MIA: variants seen among roughly 807,000 people sequenced by gnomAD.
MIA encodes melanoma-derived growth regulatory protein.
In MIA, 18 loss-of-function variants were observed where a neutral mutation model predicts 18.5. That is an observed-to-expected ratio of 0.97 (90% confidence interval 0.67 to 1.44). The LOEUF (loss-of-function observed/expected upper bound fraction) is 1.44. Among genes scored for constraint, MIA ranks in the 40% most tolerant of loss-of-function variants. The probability of loss-of-function intolerance (pLI) is 0.00; values close to 1 mark genes in which losing one functional copy is unlikely to be tolerated. For synonymous variants in MIA, 55 were observed against 64.9 expected (o/e 0.85, Z 0.74); for missense variants, 158 against 172.4 (o/e 0.92, Z 0.47).
rs371955085 is a variant in MIA, at chr19:40,775,748, C to T, written c.128-4C>T. On this transcript the variant is annotated splice_region_variant and splice_polypyrimidine_tract_variant and intron_variant, in intron 1 of 3. Coordinates refer to ENST00000263369, the MANE Select transcript of MIA (RefSeq NM_006533.4). ...TGCTGCATTCCCTTCTATTCCTTCC[C>T]TAGACCCTATCTCCATGGCTGTGGC... 1 of 1,614,102 alleles carries T rather than the reference C, an allele frequency of 6.2e-7. No individual in the cohort carries two copies. The highest frequency in any genetic ancestry group is 1.7e-5 in the Admixed American group (1 of 59,996).
intron 2 of MIA, among the ~76,000 whole-genome samples, chr19:40,776,273 C>G (rs2082995777): frequency 6.6e-6 from 1 of 152,122 alleles, no homozygotes; most frequent in African/African-American, 2.4e-5. Context: ...GATCTGCCCG[C>G]CTTGGCCTCC....
Position 40,775,568 on chromosome 19 carries a change from G to A in MIA, c.26G>A (p.Gly9Asp). MARSLVCL[G>D]VIILLSAFSG... Reference sequence around the variant, plus strand: ...ATGGCCCGGTCCCTGGTGTGCCTTGGTGTCATCATCTTGCTGTCTGCCTTC... The same window carrying A: ...ATGGCCCGGTCCCTGGTGTGCCTTGATGTCATCATCTTGCTGTCTGCCTTC... Residue 9 changes from glycine to aspartate, a missense_variant, in exon 1 of 4, where the codon GGT becomes GAT. Coordinates refer to ENST00000263369, the MANE Select transcript of MIA (RefSeq NM_006533.4). 2.5e-6 allele frequency: 4 copies of A among 1,614,160 alleles called. No homozygotes were observed. The highest frequency in any genetic ancestry group is 3.4e-6 in the Non-Finnish European group (4 of 1,180,036).
At chr19:40,776,933 C>G in intron 2 of MIA, 36 bp from the exon 3 acceptor site, 3 of 1,509,076 alleles carry the variant, frequency 2.0e-6, no homozygotes, top group Non-Finnish European at 2.7e-6. Context: ...AGCTTGCCAT[C>G]TTCCCAGACC....
At position 40,775,592 on chromosome 19, in the gene MIA, T is replaced by A; in HGVS notation, c.50T>A (p.Phe17Tyr). The stretch of plus-strand genomic sequence containing the variant: ...GGTGTCATCATCTTGCTGTCTGCCT[T>A]CTCCGGACCTGGTGTCAGGGGTGGT... The part of the protein sequence containing the change: ...CLGVIILLSA[F>Y]SGPGVRGGPM... The change falls in exon 1 of 4, where the codon TTC becomes TAC. Residue 17 changes from phenylalanine (F) to tyrosine (Y), a missense_variant. Coordinates refer to ENST00000263369, the MANE Select transcript of MIA (RefSeq NM_006533.4). The A allele has an allele frequency of 6.2e-7, 1 of 1,614,118 alleles. No individual in the cohort carries two copies. The highest frequency in any genetic ancestry group is 8.5e-7 in the Non-Finnish European group (1 of 1,180,010).
chr19:40,777,227 A>T (rs544505939), intron 3 of MIA, 148 bp downstream of exon 3: 1 of 1,097,986 alleles, frequency 9.1e-7, no homozygotes, highest in East Asian at 2.4e-5. Context: ...TCTCACCAGT[A>T]AAATGGGTCC....
At chr19:40,775,360 A>T, upstream of MIA, 1 of 942,980 alleles carries the variant, frequency 1.1e-6, no homozygotes, top group Non-Finnish European at 1.6e-6. Context: ...TACAGCCTTT[A>T]CCCTATCCTT....
chr19:40,775,438 G>A, upstream of MIA: 1 of 1,563,112 alleles, frequency 6.4e-7, no homozygotes, highest in Non-Finnish European at 8.7e-7. Context: ...TTTAGGGCGG[G>A]GACAAGACCA....
intron 3 of MIA, 73 bp downstream of exon 3, chr19:40,777,152 C>A: frequency 7.5e-7 from 1 of 1,328,516 alleles, no homozygotes; most frequent in African/African-American, 1.4e-5. Context: ...AAAAATGCTC[C>A]CACACTTGGC....
rs201859358 is a variant in MIA at position 40,776,949 on chromosome 19, T to A, written c.262-20T>A. On this transcript the variant is annotated intron_variant, in intron 2 of 3. Coordinates refer to ENST00000263369, the MANE Select transcript of MIA (RefSeq NM_006533.4). ...GCTTGCCATCTTCCCAGACCCTAGC[T>A]TTTAACTCCTCTTCCCCAGGTTCAG... is the stretch of plus-strand genomic sequence containing the variant. 250 of 1,589,782 alleles carry A rather than the reference T, an allele frequency of 1.6e-4. No homozygotes were observed. In the African/African-American group the frequency reaches 3.0e-3, roughly 19 times the overall value.
chr19:40,775,749 T>C lies in MIA; in HGVS notation c.128-3T>C. ...GCTGCATTCCCTTCTATTCCTTCCC[T>C]AGACCCTATCTCCATGGCTGTGGCC... On this transcript the variant is annotated splice_region_variant and splice_polypyrimidine_tract_variant and intron_variant, in intron 1 of 3. Transcript: ENST00000263369. 6.2e-7 allele frequency: 1 copy of C among 1,614,152 alleles called. No individual in the cohort carries two copies. Among genetic ancestry groups the C allele is most frequent in the Non-Finnish European group, 8.5e-7 (1 of 1,180,034 alleles).
At chr19:40,777,145 A>G in intron 3 of MIA, 66 bp downstream of exon 3, 2 of 1,405,568 alleles carry the variant, frequency 1.4e-6, no homozygotes, top group Non-Finnish European at 2.0e-6. Flanking sequence ...GATGGGCAAA[A>G]ATGCTCCCAC....
chr19:40,776,752 A>G (rs2083000003), intron 2 of MIA: 2 of 433,350 alleles, frequency 4.6e-6, no homozygotes, highest in Non-Finnish European at 4.2e-6. Flanking sequence ...CAAAATAATA[A>G]TAATAATAAA....
rs749395452 is a variant in MIA, at chr19:40,775,541, C to T, written c.-2C>T. ...TGCTCACTCTCTTGCTCACAGTCCA[C>T]GATGGCCCGGTCCCTGGTGTGCCTT... On this transcript the variant is annotated 5_prime_UTR_variant, in exon 1 of 4. It adds an upstream start codon to the 5' untranslated region. Transcript: ENST00000263369. 2.4e-5 allele frequency: 39 copies of T among 1,613,936 alleles called. No homozygotes were observed. Among genetic ancestry groups the T allele is most frequent in the African/African-American group, 8.0e-5 (6 of 74,894 alleles).
chr19:40,775,986 T>G, intron 2 of MIA, 101 bp downstream of exon 2: 1 of 1,331,016 alleles, frequency 7.5e-7, no homozygotes, highest in Non-Finnish European at 1.0e-6. Flanking sequence ...AAATAGACAT[T>G]GTGGGGGGAT....
At chr19:40,777,133 G>C in intron 3 of MIA, 54 bp downstream of exon 3, 1 of 1,497,120 alleles carries the variant, frequency 6.7e-7, no homozygotes, top group Non-Finnish European at 9.2e-7. Context: ...TTAGGTTGTG[G>C]GGATGGGCAA....
Position 40,777,252 on chromosome 19 carries a change from A to G in MIA, c.373-145A>G, listed in dbSNP as rs1599735623. ...AAAATGGGTCCAGTTGGGAGGTGCA[A>G]AGATTAGAGGGCTCTAGGCTAATTT... On this transcript the variant is annotated intron_variant, in intron 3 of 3. Transcript: ENST00000263369. The G allele has an allele frequency of 7.9e-6, 9 of 1,132,082 alleles. No individual in the cohort carries two copies. In the East Asian group the frequency reaches 2.1e-4, roughly 27 times the overall value. The allele number at this position is 1,132,082 out of a possible 1,614,324, so 70.1% of individuals were successfully genotyped here.
intron 2 of MIA, among the ~76,000 whole-genome samples, chr19:40,776,587 T>A (rs1374826775): frequency 2.6e-5 from 4 of 151,648 alleles, no homozygotes; most frequent in East Asian, 1.9e-4. Flanking sequence ...TAAAAAAAAA[T>A]TTAAAATTAA....
intron 1 of MIA, 31 bp downstream of exon 1, chr19:40,775,700 T>C (rs1342213738): frequency 6.2e-7 from 1 of 1,614,112 alleles, no homozygotes; most frequent in Non-Finnish European, 8.5e-7. Context: ...ATTGGGGGCT[T>C]GGGCGTTAGC....
chr19:40,776,200 T>C (rs2082995065), intron 2 of MIA, among the ~76,000 whole-genome samples: 1 of 152,012 alleles, frequency 6.6e-6, no homozygotes, highest in African/African-American at 2.4e-5. Context: ...CTAATTTTTG[T>C]ATTTTTAGTA....
Sources: gnomAD v4.1 joint callset for allele counts (sites outside exome capture counted in the v4.1 genomes callset) on GRCh38, gnomAD v4.1.1 for gene constraint, MANE v1.5 for transcripts, NCBI Gene and HGNC (gene_info 2026-07-23, HGNC 2026-07-21) for gene names.